Variants in EML6 observed in about 807,000 individuals in gnomAD.
EML6 encodes the protein echinoderm microtubule-associated protein-like 6.
Under a neutral mutation model 240.1 loss-of-function variants are expected in EML6, and 154 were observed. The observed-to-expected ratio is 0.64, with a 90% CI of 0.56 to 0.73. The LOEUF is 0.73. Ranked by LOEUF, EML6 falls within the 30% of genes least tolerant of loss-of-function variation. EML6 has a pLI of 0.00. For missense variants in EML6, 2,964 were observed against 2,474.6 expected (o/e 1.20, Z -4.20); for synonymous variants, 1,148 against 899.0 (o/e 1.28, Z -4.95).
In EML6 at chr2:54,816,770, ATTG is replaced by A. The variant is rs1215140003; in HGVS notation, c.358-14_358-12del. On this transcript the variant is annotated splice_polypyrimidine_tract_variant and intron_variant, in intron 3 of 41. Transcript: ENST00000356458. ...TCCCATCACTTTTAGGTACTAAATTATTGTTCTTATTCTTAGCGTTTAGCCTCT... is the reference window on the plus strand; with the variant it reads ...TCCCATCACTTTTAGGTACTAAATTATTCTTATTCTTAGCGTTTAGCCTCT... 8.5e-6 allele frequency: 13 copies of A among 1,525,704 alleles called. No individual in the cohort carries two copies. Among genetic ancestry groups the A allele is most frequent in the Non-Finnish European group, 1.2e-5 (13 of 1,123,612 alleles). The allele number at this position is 1,525,704 out of a possible 1,614,324, so 94.5% of individuals were successfully genotyped here. A position where few individuals can be genotyped will look rare whatever the true frequency, so the allele number is the denominator to read the frequency against.
chr2:54,875,806 A>G (rs1464857957), intron 16 of EML6, among the ~76,000 whole-genome samples: 2 of 152,226 alleles, frequency 1.3e-5, no homozygotes, highest in East Asian at 1.9e-4. Flanking sequence ...AAGTGCTTCC[A>G]TATGAATAGA....
At chr2:54,746,587 G>A (rs928391289) in intron 2 of EML6, among the ~76,000 whole-genome samples, 2 of 152,282 alleles carry the variant, frequency 1.3e-5, no homozygotes, top group Non-Finnish European at 1.5e-5. Context: ...GTCACACTGC[G>A]AAGACTGATT....
rs537110136 is a variant in EML6, at chr2:54,948,665, G to C, written c.4005-217G>C. Among the ~76,000 whole-genome samples, 89 of 152,314 alleles carry C rather than the reference G, an allele frequency of 5.8e-4. 1 individual carries two copies. Among genetic ancestry groups the C allele is most frequent in the African/African-American group, 2.1e-3 (89 of 41,564 alleles). On this transcript the variant is annotated intron_variant, in intron 28 of 41. Transcript: ENST00000356458. ...GCTGACCCTGACCACGGTGCCTCAA[G>C]CGTGGGGAGGCCCAACCCAGTGCCT...
chr2:54,779,471 G>A (rs542401376), intron 2 of EML6, among the ~76,000 whole-genome samples: 2 of 150,944 alleles, frequency 1.3e-5, no homozygotes, highest in South Asian at 2.1e-4. Context: ...GCTTGAACTC[G>A]GGAGGTGGAG....
intron 26 of EML6, among the ~76,000 whole-genome samples, chr2:54,921,582 T>C (rs550564637): frequency 1.5e-4 from 23 of 152,064 alleles, no homozygotes; most frequent in African/African-American, 5.3e-4. Context: ...AAAAACAACC[T>C]TAAAATGTGT....
chr2:54,855,570 C>A (rs1015754424), intron 11 of EML6, among the ~76,000 whole-genome samples: 2 of 151,048 alleles, frequency 1.3e-5, no homozygotes, highest in African/African-American at 4.9e-5. Flanking sequence ...AATGAGTCAC[C>A]GTTACATAAA....
chr2:54,944,097 T>C (rs1267751070), intron 28 of EML6, among the ~76,000 whole-genome samples: 1 of 152,164 alleles, frequency 6.6e-6, no homozygotes, highest in African/African-American at 2.4e-5. Context: ...CTGGCATCTT[T>C]TCACCCTCTA....
rs56119525 is a variant in EML6, at chr2:54,802,618, A to ATACTACTACTACTACTAC, written c.198-10582_198-10565dup. Among the ~76,000 whole-genome samples the ATACTACTACTACTACTAC allele has an allele frequency of 2.5e-3, 351 of 139,952 alleles. 1 individual carries two copies. Among genetic ancestry groups the ATACTACTACTACTACTAC allele is most frequent in the African/African-American group, 4.4e-3 (163 of 36,966 alleles). 91.8% of individuals were successfully genotyped at this position (139,952 alleles called of 152,430 possible). On this transcript the variant is annotated intron_variant, in intron 2 of 41. Coordinates refer to ENST00000356458, the MANE Select transcript of EML6 (RefSeq NM_001039753.4). The stretch of plus-strand genomic sequence containing the variant: ...GGGCAACAGAGTGAGACCCTGTCTC[A>ATACTACTACTACTACTAC]TACTACTACTACTACTACTACTACT...
intron 26 of EML6, among the ~76,000 whole-genome samples, chr2:54,926,832 C>G (rs372345121): frequency 6.6e-6 from 1 of 152,164 alleles, no homozygotes; most frequent in Non-Finnish European, 1.5e-5. Flanking sequence ...AATCTCATCC[C>G]TTAGAGTCTG....
Position 54,910,954 on chromosome 2 carries a change from G to A in EML6, c.3410G>A (p.Gly1137Glu), listed in dbSNP as rs1321061978. 6.6e-7 allele frequency: 1 copy of A among 1,521,984 alleles called. No individual in the cohort carries two copies. Among genetic ancestry groups the A allele is most frequent in the Non-Finnish European group, 8.9e-7 (1 of 1,123,648 alleles). The allele number at this position is 1,521,984 out of a possible 1,614,324, so 94.3% of individuals were successfully genotyped here. Residue 1137 changes from glycine to glutamate, a missense_variant and splice_region_variant, in exon 25 of 42, where the codon GGA becomes GAA. Transcript: ENST00000356458. ...YITHIDWDSR[G>E]KLLQVNSGAR... is the part of the protein sequence containing the mutation. ...TCTCTACTTCGTTCTGTCGTAACAGGAAAATTATTGCAAGTGAATTCAGGT... is the reference window on the plus strand; with the variant it reads ...TCTCTACTTCGTTCTGTCGTAACAGAAAAATTATTGCAAGTGAATTCAGGT...
chr2:54,736,128 G>GAAGCT (rs1456490880), intron 2 of EML6, among the ~76,000 whole-genome samples: 2 of 152,184 alleles, frequency 1.3e-5, no homozygotes, highest in African/African-American at 4.8e-5. Flanking sequence ...GGTGGGAGAT[G>GAAGCT]AAGCTGGAAT....
At chr2:54,813,422 A>G (rs1249042180) in intron 3 of EML6, 31 bp downstream of exon 3, 2 of 1,529,374 alleles carry the variant, frequency 1.3e-6, no homozygotes, top group Admixed American at 4.0e-5. Context: ...GTTTTATTTA[A>G]TGACTTCTCA....
chr2:54,864,197 C>T (rs1193514558), intron 13 of EML6, among the ~76,000 whole-genome samples: 2 of 152,084 alleles, frequency 1.3e-5, no homozygotes, highest in African/African-American at 4.8e-5. Flanking sequence ...GCAAGTAAGC[C>T]ATAGGTCTTT....
At chr2:54,726,605 C>T (rs1682919738) in intron 2 of EML6, among the ~76,000 whole-genome samples, 1 of 152,148 alleles carries the variant, frequency 6.6e-6, no homozygotes. Context: ...TTTCATGTCA[C>T]GTATGACACA....
intron 26 of EML6, among the ~76,000 whole-genome samples, chr2:54,918,986 G>T (rs973085914): frequency 6.6e-6 from 1 of 152,148 alleles, no homozygotes; most frequent in Non-Finnish European, 1.5e-5. Context: ...ATTTTCCGGA[G>T]CCTATTTGTT....
At chr2:54,903,336 A>G in intron 23 of EML6, 35 bp from the exon 24 acceptor site, 3 of 1,544,446 alleles carry the variant, frequency 1.9e-6, no homozygotes, top group Non-Finnish European at 2.6e-6. Context: ...CCTATATAAA[A>G]TGCTTCGATG....
At chr2:54,958,103 A>G in intron 33 of EML6, 105 bp downstream of exon 33, 2 of 998,276 alleles carry the variant, frequency 2.0e-6, no homozygotes, top group Non-Finnish European at 2.9e-6. Context: ...AAACAGCAGG[A>G]AAGCCATTTC....
chr2:54,853,766 C>T lies in EML6; in HGVS notation c.1568C>T (p.Ser523Leu). 1 of 1,551,566 alleles carries T rather than the reference C, an allele frequency of 6.4e-7. No homozygotes were observed. The highest frequency in any genetic ancestry group is 8.7e-7 in the Non-Finnish European group (1 of 1,146,884). ...PKYTEVTDIN[S>L]VDANYNSSVL... ...TACACTGAGGTTACTGACATCAACT[C>T]AGTGGATGCGAATTACAACAGCTCA... Residue 523 changes from serine to leucine, a missense_variant, in exon 11 of 42, where the codon TCA (serine) becomes TTA (leucine). By Grantham distance (145) the Ser-to-Leu change is moderately radical. Coordinates refer to ENST00000356458, the MANE Select transcript of EML6 (RefSeq NM_001039753.4).
chr2:54,944,327 C>T (rs892931554), intron 28 of EML6, among the ~76,000 whole-genome samples: 1 of 152,118 alleles, frequency 6.6e-6, no homozygotes, highest in Non-Finnish European at 1.5e-5. Context: ...TCCAGATATG[C>T]AAGCTGGAAA....
Sources: allele counts gnomAD v4.1 joint callset (sites outside exome capture counted in the v4.1 genomes callset), GRCh38; gene constraint gnomAD v4.1.1; transcripts MANE v1.5; gene names NCBI Gene and HGNC (gene_info 2026-07-23, HGNC 2026-07-21).